ARHGEF10L: variants seen among roughly 807,000 people sequenced by gnomAD.
The protein encoded by ARHGEF10L is Rho guanine nucleotide exchange factor 10 like, also known as rho guanine nucleotide exchange factor 10-like protein.
A neutral mutation model predicts 141.2 loss-of-function variants in ARHGEF10L; 69 were observed. The observed-to-expected ratio is 0.49, with a 90% confidence interval of 0.40 to 0.60. ARHGEF10L has a LOEUF of 0.60. Ranked by LOEUF, ARHGEF10L falls within the 20% of genes least tolerant of loss-of-function variation. ARHGEF10L has a pLI of 0.00. For synonymous variants in ARHGEF10L, 711 were observed against 718.5 expected (o/e 0.99, Z 0.17); for missense variants, 1,482 against 1,734.3 (o/e 0.85, Z 2.58).
At chr1:17,686,537 C>T (rs868398622) in intron 26 of ARHGEF10L, among the ~76,000 whole-genome samples, 3 of 152,256 alleles carry the variant, frequency 2.0e-5, no homozygotes, top group Non-Finnish European at 2.9e-5. Flanking sequence ...GGGCCTGCCT[C>T]CTGGACTGAG....
chr1:17,692,113 G>A (rs1270021164), intron 27 of ARHGEF10L, among the ~76,000 whole-genome samples: 1 of 152,198 alleles, frequency 6.6e-6, no homozygotes, highest in Admixed American at 6.5e-5. Flanking sequence ...ACCCTGGACC[G>A]GAGGCTGCCA....
At chr1:17,672,047 A>G (rs927818396) in intron 26 of ARHGEF10L, among the ~76,000 whole-genome samples, 4 of 152,152 alleles carry the variant, frequency 2.6e-5, no homozygotes, top group African/African-American at 9.7e-5. Flanking sequence ...GCGGTCAGCA[A>G]TCTGCTCTGC....
intron 1 of ARHGEF10L, among the ~76,000 whole-genome samples, chr1:17,547,753 A>G (rs2076967409): frequency 6.6e-6 from 1 of 152,248 alleles, no homozygotes; most frequent in East Asian, 1.9e-4. Flanking sequence ...CACTGAAGAA[A>G]ACACAGAGAA....
the ARHGEF10L span, among the ~76,000 whole-genome samples, chr1:17,517,748 C>T: frequency 6.6e-6 from 1 of 151,496 alleles, no homozygotes; most frequent in African/African-American, 2.4e-5. Flanking sequence ...GCAACCTCCA[C>T]CTCCGGGGTT....
chr1:17,695,074 G>A (rs1389981775), intron 27 of ARHGEF10L, 84 bp from the exon 28 acceptor site: 10 of 1,591,670 alleles, frequency 6.3e-6, no homozygotes, highest in Non-Finnish European at 8.6e-6. Flanking sequence ...AGCCCGCTGT[G>A]CCAGGCCCTC....
At chr1:17,679,183 T>C (rs975627206) in intron 26 of ARHGEF10L, among the ~76,000 whole-genome samples, 7 of 152,164 alleles carry the variant, frequency 4.6e-5, no homozygotes, top group African/African-American at 1.7e-4. Flanking sequence ...TACAGATGAA[T>C]GAACAGAGTC....
chr1:17,697,035 G>C lies in ARHGEF10L; in HGVS notation c.3495G>C (p.Leu1165=). Residue 1165 remains leucine (L), a synonymous_variant, in exon 29 of 29, where the codon CTG becomes CTC. Coordinates refer to ENST00000361221, the MANE Select transcript of ARHGEF10L (RefSeq NM_018125.4). The surrounding 1 kb of genome is among the most constrained non-coding windows in gnomAD (Gnocchi z 4.8). ...PMPDSHVGRE[L]TRKKGILLQY... ...CCGATAGCCACGTGGGCCGAGAGCT[G>C]ACCCGCAAGAAGGGCATCCTCTTGC... The C allele has an allele frequency of 6.2e-7, 1 of 1,604,776 alleles. No individual in the cohort carries two copies. The highest frequency in any genetic ancestry group is 8.5e-7 in the Non-Finnish European group (1 of 1,175,222).
chr1:17,547,432 A>G lies in ARHGEF10L; in HGVS notation c.-44+7482A>G, dbSNP rs571297498. On this transcript the variant is annotated intron_variant, in intron 1 of 28. Coordinates refer to ENST00000361221, the MANE Select transcript of ARHGEF10L (RefSeq NM_018125.4). ...GCCCCAGAGTGCCCTCCTCTCTGTA[A>G]AAGTCCTGGTTCTAGTCGCTGGCTG... 1.2e-3 allele frequency among the ~76,000 whole-genome samples: 183 copies of G among 152,260 alleles called. 1 individual carries two copies. The highest frequency in any genetic ancestry group is 6.8e-3 in the Middle Eastern group (2 of 294).
intron 16 of ARHGEF10L, among the ~76,000 whole-genome samples, chr1:17,632,813 A>C (rs1483383639): frequency 6.6e-6 from 1 of 152,108 alleles, no homozygotes; most frequent in African/African-American, 2.4e-5. Context: ...TGCGGCTTTA[A>C]CTCAAATCTG....
In ARHGEF10L at chr1:17,655,577, A is replaced by G. The variant is rs748664683; in HGVS notation, c.2482-302A>G. On this transcript the variant is annotated intron_variant, in intron 23 of 28. Transcript: ENST00000361221. The stretch of plus-strand genomic sequence containing the variant: ...TGGTCAACACAGAGAAGGGCATTTT[A>G]AAGGGATGGAGTAGATGTTTACTTT... 4.6e-5 allele frequency among the ~76,000 whole-genome samples: 7 copies of G among 152,226 alleles called. 1 individual carries two copies. The highest frequency in any genetic ancestry group is 2.1e-4 in the South Asian group (1 of 4,830).
At chr1:17,526,131 G>A in the ARHGEF10L span, among the ~76,000 whole-genome samples, 2 of 151,626 alleles carry the variant, frequency 1.3e-5, no homozygotes, top group Non-Finnish European at 2.9e-5. Context: ...TCTCTGAATT[G>A]CTCAAATGGA....
At chr1:17,524,420 C>CACAA in the ARHGEF10L span, among the ~76,000 whole-genome samples, 9 of 137,574 alleles carry the variant, frequency 6.5e-5, no homozygotes, top group Non-Finnish European at 9.5e-5. Context: ...CACACACACA[C>CACAA]AAAATTAGCC....
chr1:17,656,702 A>G lies in ARHGEF10L; in HGVS notation c.2854A>G (p.Thr952Ala), dbSNP rs1365212039. Residue 952 changes from threonine (T) to alanine (A), a missense_variant, in exon 25 of 29, where the codon ACC (threonine) becomes GCC (alanine). Physicochemically the swap from Thr to Ala is moderately conservative, Grantham distance 58. Around this residue, in one of 3 missense-constraint regions of ARHGEF10L, gnomAD observed 858 missense variants for 966.3 expected, o/e 0.89. Coordinates refer to ENST00000361221, the MANE Select transcript of ARHGEF10L (RefSeq NM_018125.4). The surrounding 1 kb of genome is among the most constrained non-coding windows in gnomAD (Gnocchi z 4.9). ...TGGGACCCTTGCTGCTTACCCTCGG[A>G]CCAGCGGTGAGGACTGGGGGGAATG... is the stretch of plus-strand genomic sequence containing the variant. ...QDGTLAAYPR[T>A]SGGVLWDLES... The G allele has an allele frequency of 6.2e-7, 1 of 1,612,220 alleles. No homozygotes were observed. Among genetic ancestry groups the G allele is most frequent in the Non-Finnish European group, 8.5e-7 (1 of 1,179,654 alleles).
intron 26 of ARHGEF10L, among the ~76,000 whole-genome samples, chr1:17,679,924 C>T (rs1216260829): frequency 6.6e-6 from 1 of 152,194 alleles, no homozygotes; most frequent in African/African-American, 2.4e-5. Context: ...CCAGGGCCAG[C>T]TCGGTGGTGA....
chr1:17,617,322 G>A (rs1216008444), intron 9 of ARHGEF10L, among the ~76,000 whole-genome samples: 1 of 152,208 alleles, frequency 6.6e-6, no homozygotes, highest in African/African-American at 2.4e-5. Context: ...ATGGGACACA[G>A]CTGTGAATAT....
At chr1:17,590,378 G>A (rs1387726217) in intron 4 of ARHGEF10L, among the ~76,000 whole-genome samples, 3 of 152,062 alleles carry the variant, frequency 2.0e-5, no homozygotes, top group East Asian at 1.9e-4. Context: ...AGGCTTGTGC[G>A]GCAGTGCCTG....
chr1:17,587,399 A>G (rs1035882020), intron 2 of ARHGEF10L, 61 bp from the exon 3 acceptor site: 96 of 1,539,030 alleles, frequency 6.2e-5, no homozygotes, highest in African/African-American at 5.9e-4. Context: ...TACCCCAGCC[A>G]TCTCTCCATT....
rs2076643029 is a variant in ARHGEF10L, at chr1:17,539,699, C to T, written c.-295C>T. The T allele has an allele frequency of 6.9e-6, 1 of 145,030 alleles. No homozygotes were observed. The highest frequency in any genetic ancestry group is 2.0e-4 in the South Asian group (1 of 5,004). 9.0% of individuals were successfully genotyped at this position (145,030 alleles called of 1,614,324 possible). ...GACCGGGCGGGCGGGGGCGGCGCCG[C>T]GTCGCGCACGGCGGCGGCGGCGGGA... On this transcript the variant is annotated 5_prime_UTR_variant, in exon 1 of 29. Transcript: ENST00000361221. This position sits in a 1 kb window ranked among gnomAD's most constrained non-coding sequence, Gnocchi z 6.0.
At chr1:17,669,146 C>G (rs1306034031) in intron 26 of ARHGEF10L, among the ~76,000 whole-genome samples, 1 of 152,210 alleles carries the variant, frequency 6.6e-6, no homozygotes, top group African/African-American at 2.4e-5. Context: ...CAGAATCTGC[C>G]CCAGGCTTGA....
Sources: gnomAD v4.1 joint callset for allele counts (sites outside exome capture counted in the v4.1 genomes callset) on GRCh38, gnomAD v4.1.1 for gene constraint, gnomAD v4.1.1 regional missense constraint, Gnocchi (gnomAD v3.1) non-coding constraint, MANE v1.5 for transcripts, NCBI Gene and HGNC (gene_info 2026-07-23, HGNC 2026-07-21) for gene names.